The following ANO4 variants were observed in gnomAD, a reference collection of about 807,000 sequenced individuals.
ANO4 encodes the protein anoctamin-4.
ANO4 carries 69 observed loss-of-function variants against 141.9 expected under a neutral mutation model. The ratio of observed to expected loss-of-function variants is 0.49; its 90% CI spans 0.40 to 0.59. ANO4 has a LOEUF of 0.59. Among genes scored for constraint, ANO4 ranks in the 20% least tolerant of loss-of-function variants. ANO4 has a pLI of 0.00. For missense variants in ANO4, 894 were observed against 1,162.2 expected (o/e 0.77, Z 3.36); for synonymous variants, 350 against 394.3 (o/e 0.89, Z 1.33).
At chr12:101,033,593 T>C (rs2047072218) in intron 9 of ANO4, among the ~76,000 whole-genome samples, 2 of 152,138 alleles carry the variant, frequency 1.3e-5, no homozygotes, top group Non-Finnish European at 2.9e-5. Context: ...AAAGTCTTCA[T>C]GACAAAAACG....
chr12:100,931,016 T>C (rs935178527), intron 3 of ANO4, among the ~76,000 whole-genome samples: 1 of 152,068 alleles, frequency 6.6e-6, no homozygotes, highest in Non-Finnish European at 1.5e-5. Flanking sequence ...TAAGGAAGCA[T>C]TATGTCCTTT....
At chr12:100,818,971 A>G (rs1461677324) in intron 1 of ANO4, among the ~76,000 whole-genome samples, 9 of 151,712 alleles carry the variant, frequency 5.9e-5, no homozygotes, top group East Asian at 1.9e-4. Flanking sequence ...CCTCTTCCCT[A>G]TGTATCTATC....
At chr12:100,818,686 C>G (rs1280357588) in intron 1 of ANO4, among the ~76,000 whole-genome samples, 1 of 151,908 alleles carries the variant, frequency 6.6e-6, no homozygotes, top group Non-Finnish European at 1.5e-5. Context: ...GAATAAATTG[C>G]TAAACCTTTC....
intron 1 of ANO4, among the ~76,000 whole-genome samples, chr12:100,730,818 C>A (rs35934161): frequency 0.022 from 3,334 of 152,272 alleles, 78 homozygotes; most frequent in South Asian, 0.08. Context: ...AATTAGTTTT[C>A]CCATATTAAA....
chr12:100,887,908 G>A (rs950338309), intron 1 of ANO4, among the ~76,000 whole-genome samples: 9 of 152,170 alleles, frequency 5.9e-5, no homozygotes, highest in South Asian at 2.1e-4. Flanking sequence ...GGTGGGCTAC[G>A]TTGTGCCTAA....
chr12:101,066,997 CAAAAAAAA>C (rs34416390), intron 14 of ANO4: 40 of 181,564 alleles, frequency 2.2e-4, no homozygotes, highest in South Asian at 4.6e-4. Flanking sequence ...TAAAGTATAA[CAAAAAAAA>C]AAAAAAAAAA....
chr12:100,954,766 G>A (rs1289065874), intron 5 of ANO4, among the ~76,000 whole-genome samples: 1 of 152,120 alleles, frequency 6.6e-6, no homozygotes, highest in Non-Finnish European at 1.5e-5. Context: ...TTTAACATGG[G>A]CATGGCTGAG....
chr12:101,103,969 A>T (rs141803093), intron 22 of ANO4, among the ~76,000 whole-genome samples: 61 of 151,972 alleles, frequency 4.0e-4, no homozygotes, highest in African/African-American at 1.4e-3. Context: ...TGTTTTAGTC[A>T]TGTATTTTTT....
At chr12:101,084,046 A>T (rs1206375087) in intron 16 of ANO4, among the ~76,000 whole-genome samples, 1 of 152,232 alleles carries the variant, frequency 6.6e-6, no homozygotes, top group Admixed American at 6.5e-5. Context: ...GTCAGCCAGT[A>T]GGTAGCTAAG....
intron 8 of ANO4, among the ~76,000 whole-genome samples, chr12:101,003,346 C>T (rs542309825): frequency 6.6e-6 from 1 of 152,332 alleles, no homozygotes; most frequent in East Asian, 1.9e-4. Flanking sequence ...AATGGCACAA[C>T]CACACATTGA....
intron 1 of ANO4, among the ~76,000 whole-genome samples, chr12:100,725,573 C>T (rs1430755395): frequency 6.6e-6 from 1 of 152,072 alleles, no homozygotes; most frequent in African/African-American, 2.4e-5. Context: ...GTCTCAATCT[C>T]CTGACCTTGT....
At chr12:101,041,861 A>T (rs939140692) in intron 11 of ANO4, among the ~76,000 whole-genome samples, 2 of 152,272 alleles carry the variant, frequency 1.3e-5, no homozygotes, top group South Asian at 2.1e-4. Context: ...ATAAAGGGGG[A>T]TGAAAAGCAC....
In ANO4 at chr12:100,801,516, A is replaced by T. The variant is rs544178138; in HGVS notation, c.-141+6489A>T. On this transcript the variant is annotated intron_variant, in intron 1 of 27. Coordinates refer to ENST00000392977, the MANE Select transcript of ANO4 (RefSeq NM_001286615.2). ...GAATGAAAGATTTTTTTTTTTTTTT[A>T]AAAGCACAATTCCTATCCTCCAGAA... Among the ~76,000 whole-genome samples, 567 of 125,284 alleles carry T rather than the reference A, an allele frequency of 4.5e-3. 1 individual carries two copies. Among genetic ancestry groups the T allele is most frequent in the Non-Finnish European group, 6.4e-3 (369 of 57,624 alleles). The allele number at this position is 125,284 out of a possible 152,430, so 82.2% of individuals were successfully genotyped here. A position where few individuals can be genotyped will look rare whatever the true frequency, so the allele number is the denominator to read the frequency against.
chr12:100,908,130 C>T (rs987535091), intron 2 of ANO4, among the ~76,000 whole-genome samples: 3 of 152,112 alleles, frequency 2.0e-5, no homozygotes, highest in Admixed American at 6.5e-5. Context: ...GAGGCCGAGG[C>T]GGGTGGATCA....
At chr12:100,992,492 G>T (rs147216794) in intron 8 of ANO4, among the ~76,000 whole-genome samples, 218 of 152,124 alleles carry the variant, frequency 1.4e-3, no homozygotes, top group African/African-American at 5.1e-3. Flanking sequence ...TCATCCTCCA[G>T]AACTCAGCTC....
intron 24 of ANO4, 23 bp downstream of exon 24, chr12:101,111,733 A>G: frequency 6.4e-7 from 1 of 1,554,586 alleles, no homozygotes; most frequent in Non-Finnish European, 8.7e-7. Flanking sequence ...TAAAACCACT[A>G]TACAGTTTCT....
At chr12:101,068,332 G>T in intron 14 of ANO4, 1 of 1,200,834 alleles carries the variant, frequency 8.3e-7, no homozygotes, top group Admixed American at 1.7e-5. Context: ...GTCCTTGAGA[G>T]AAGATGCAGA....
chr12:100,965,959 A>T (rs2043635126), intron 5 of ANO4, among the ~76,000 whole-genome samples: 4 of 152,144 alleles, frequency 2.6e-5, no homozygotes, highest in Admixed American at 2.6e-4. Flanking sequence ...AGAGTCCCTG[A>T]CACAGAGTAG....
intron 3 of ANO4, among the ~76,000 whole-genome samples, chr12:100,775,669 G>A (rs548239656): frequency 1.8e-4 from 27 of 152,204 alleles, no homozygotes; most frequent in South Asian, 1.7e-3. Context: ...AAGTCTTAAC[G>A]TGTAGCCTGG....
Sources: gnomAD v4.1 joint callset for allele counts (sites outside exome capture counted in the v4.1 genomes callset) on GRCh38, gnomAD v4.1.1 for gene constraint, MANE v1.5 for transcripts, NCBI Gene and HGNC (gene_info 2026-07-23, HGNC 2026-07-21) for gene names.